PLOD3: variants seen among roughly 807,000 people sequenced by gnomAD.
The protein encoded by PLOD3 is multifunctional procollagen lysine hydroxylase and glycosyltransferase LH3.
Under a neutral mutation model 96.9 loss-of-function variants are expected in PLOD3, and 73 were observed. The observed-to-expected ratio is 0.75, with a 90% CI of 0.62 to 0.92. The LOEUF is 0.92. Among genes scored for constraint, PLOD3 ranks in the 40% least tolerant of loss-of-function variants. The pLI, the probability that PLOD3 is intolerant of heterozygous loss-of-function variation, is 0.00. For missense variants in PLOD3, 1,004 were observed against 1,004.3 expected (o/e 1.00, Z 0.00); for synonymous variants, 454 against 413.7 (o/e 1.10, Z -1.18).
chr7:101,213,503 C>CTT, intron 6 of PLOD3: 3 of 393,808 alleles, frequency 7.6e-6, no homozygotes, highest in African/African-American at 6.4e-5. Context: ...TCTCTCTCTC[C>CTT]TTGTTTTTTT....
At chr7:101,215,042 G>A (rs1439932600) in intron 6 of PLOD3, 47 bp downstream of exon 6, 2 of 1,393,388 alleles carry the variant, frequency 1.4e-6, no homozygotes, top group African/African-American at 2.8e-5. Context: ...AAGACCCCTA[G>A]CTGCAGAGGC....
At chr7:101,206,746 G>A (rs376378473) in intron 18 of PLOD3, 33 bp downstream of exon 18, 8 of 1,570,146 alleles carry the variant, frequency 5.1e-6, no homozygotes, top group Admixed American at 1.9e-5. Context: ...GTCCTGAGGT[G>A]AAGCGTGGGT....
At position 101,217,286 on chromosome 7, in the gene PLOD3, G is replaced by C. The variant is rs1798294824; in HGVS notation, c.-12C>G. 6.9e-7 allele frequency: 1 copy of C among 1,454,724 alleles called. No individual in the cohort carries two copies. The highest frequency in any genetic ancestry group is 2.7e-5 in the East Asian group (1 of 36,736). 90.1% of individuals were successfully genotyped at this position (1,454,724 alleles called of 1,614,324 possible). On this transcript the variant is annotated 5_prime_UTR_variant, in exon 1 of 19. Coordinates refer to ENST00000223127, the MANE Select transcript of PLOD3 (RefSeq NM_001084.5). ...CCCGAGGAGGTCATGGTGGGGAGCG[G>C]GCCCAGACAGCACCCAGGATCCTGG...
chr7:101,210,588 A>C lies in PLOD3; in HGVS notation c.1444T>G (p.Phe482Val), dbSNP rs993367504. ...LRMELPQRDV[F>V]SGSDTDPDMA... ...TCCGGGTCTGTGTCACTGCCCGAGAACACATCCCTCTGGGGCAGCTCCATC... is the reference window on the plus strand; with the variant it reads ...TCCGGGTCTGTGTCACTGCCCGAGACCACATCCCTCTGGGGCAGCTCCATC... Residue 482 changes from phenylalanine to valine, a missense_variant, in exon 13 of 19, where the codon TTC becomes GTC. Transcript: ENST00000223127. 2.5e-6 allele frequency: 4 copies of C among 1,614,060 alleles called. No individual in the cohort carries two copies. In the African/African-American group the frequency reaches 5.3e-5, roughly 22 times the overall value.
chr7:101,212,141 C>A lies in PLOD3; in HGVS notation c.1127+112G>T. On this transcript the variant is annotated intron_variant, in intron 10 of 18. Coordinates refer to ENST00000223127, the MANE Select transcript of PLOD3 (RefSeq NM_001084.5). ...GGCTGCAAGGATGCGAATGGGGAGGCCCAGGAGGGGCTGGATGGGTGACAG... is the reference window on the plus strand; with the variant it reads ...GGCTGCAAGGATGCGAATGGGGAGGACCAGGAGGGGCTGGATGGGTGACAG... The A allele has an allele frequency of 2.1e-6, 3 of 1,411,950 alleles. No individual in the cohort carries two copies. The South Asian group carries it at 3.5e-5, about 16-fold the overall frequency. 87.5% of individuals were successfully genotyped at this position (1,411,950 alleles called of 1,614,324 possible).
chr7:101,211,691 G>A lies in PLOD3; in HGVS notation c.1258C>T (p.Arg420Cys), dbSNP rs367797717. ...AAGTTGGACCACAGCTTGCCGTGGC[G>A]GGACAGCATGGGGGCGATCACCTTC... ...NRKVIAPMLS[R>C]HGKLWSNFWG... The change falls in exon 12 of 19, where the codon CGC (arginine) becomes TGC (cysteine). Residue 420 changes from arginine (R) to cysteine (C), a missense_variant. Physicochemically the swap from Arg to Cys is radical, Grantham distance 180. Transcript: ENST00000223127. 2.4e-5 allele frequency: 39 copies of A among 1,606,418 alleles called. 1 individual carries two copies. The highest frequency in any genetic ancestry group is 3.0e-5 in the Non-Finnish European group (35 of 1,177,190).
intron 18 of PLOD3, 40 bp from the exon 19 acceptor site, chr7:101,206,476 G>T (rs752237515): frequency 6.4e-7 from 1 of 1,552,860 alleles, no homozygotes; most frequent in Non-Finnish European, 8.7e-7. Flanking sequence ...GTGAGCAGAC[G>T]TGGGGCCTGG....
Position 101,207,714 on chromosome 7 carries a change from A to G in PLOD3, c.1799T>C (p.Leu600Pro), listed in dbSNP as rs1798111686. 1.2e-6 allele frequency: 2 copies of G among 1,613,776 alleles called. No homozygotes were observed. The highest frequency in any genetic ancestry group is 8.5e-7 in the Non-Finnish European group (1 of 1,179,906). Residue 600 changes from leucine to proline, a missense_variant, in exon 17 of 19, where the codon CTG (leucine) becomes CCG (proline). By Grantham distance (98) the Leu-to-Pro change is moderately conservative. Transcript: ENST00000223127. Reference protein sequence around the residue: ...WSGGRHEDSRLAGGYENVPTV... With the variant: ...WSGGRHEDSRPAGGYENVPTV... ...GGGCACATTCTCGTAGCCTCCAGCC[A>G]GCCTTGAATCCTGGGGGCGGCGGGC...
At position 101,216,692 on chromosome 7, in the gene PLOD3, C is replaced by T. The variant is rs1798281955; in HGVS notation, c.201+3G>A. 1 of 1,613,232 alleles carries T rather than the reference C, an allele frequency of 6.2e-7. No individual in the cohort carries two copies. The highest frequency in any genetic ancestry group is 1.7e-5 in the Admixed American group (1 of 59,982). On this transcript the variant is annotated splice_donor_region_variant and intron_variant, in intron 2 of 18. Transcript: ENST00000223127. Reference sequence around the variant, plus strand: ...CCTCCCAGGGGCCTTTCCCTCTCCTCACCCGCACAGTGTAGTTGAAGAACT... The same window carrying T: ...CCTCCCAGGGGCCTTTCCCTCTCCTTACCCGCACAGTGTAGTTGAAGAACT...
chr7:101,215,989 TTGGTGGA>T lies in PLOD3; in HGVS notation c.527_533del (p.Ile176LysfsTer27), dbSNP rs765101471. ...CCTTGTACTTCCACTGGCGCACGAT[TTGGTGGA>T]TGGTGGTGGCAAAACCGATGAATCC... On this transcript the variant is annotated frameshift_variant, in exon 5 of 19. Coordinates refer to ENST00000223127, the MANE Select transcript of PLOD3 (RefSeq NM_001084.5). LOFTEE classifies it high-confidence loss of function. The T allele has an allele frequency of 6.2e-7, 1 of 1,614,056 alleles. No homozygotes were observed. Among genetic ancestry groups the T allele is most frequent in the Non-Finnish European group, 8.5e-7 (1 of 1,179,972 alleles).
intron 5 of PLOD3, among the ~76,000 whole-genome samples, chr7:101,215,488 T>C (rs977838717): frequency 1.3e-5 from 2 of 152,068 alleles, no homozygotes; most frequent in African/African-American, 2.4e-5. Context: ...GCTGGGATTA[T>C]AGGCATGAGC....
Position 101,210,551 on chromosome 7 carries a change from CAGA to C in PLOD3, c.1478_1480del (p.Phe493del). The C allele has an allele frequency of 5.0e-6, 8 of 1,614,240 alleles. No homozygotes were observed. In the South Asian group the frequency reaches 8.8e-5, roughly 18 times the overall value. ...GCTCACCTTGTCTCGAAAGCTCTTA[CAGA>C]AGGCCATGTCCGGGTCTGTGTCACT... On this transcript the variant is annotated inframe_deletion, in exon 13 of 19. Transcript: ENST00000223127.
chr7:101,206,497 G>C (rs1798086307), intron 18 of PLOD3, 61 bp from the exon 19 acceptor site: 3 of 1,488,102 alleles, frequency 2.0e-6, no homozygotes, highest in African/African-American at 1.4e-5. Context: ...GGAGCAGGCA[G>C]ATACACGGGG....
intron 12 of PLOD3, chr7:101,211,126 CT>C (rs1372566487): frequency 4.6e-6 from 1 of 216,120 alleles, no homozygotes; most frequent in African/African-American, 2.3e-5. Context: ...AGTAATCCAC[CT>C]GCCTCTGCCT....
At chr7:101,212,776 G>T in intron 8 of PLOD3, 66 bp downstream of exon 8, 1 of 1,556,814 alleles carries the variant, frequency 6.4e-7, no homozygotes, top group Non-Finnish European at 8.8e-7. Context: ...CCCCCAGTCC[G>T]CTGTCCTTGT....
At chr7:101,208,708 T>C in intron 16 of PLOD3, 145 bp downstream of exon 16, 3 of 678,268 alleles carry the variant, frequency 4.4e-6, no homozygotes, top group Non-Finnish European at 8.2e-6. Flanking sequence ...CTTGAATACA[T>C]GAATGAATGC....
chr7:101,212,019 GC>G, intron 10 of PLOD3, 69 bp from the exon 11 acceptor site: 4 of 1,131,270 alleles, frequency 3.5e-6, no homozygotes, highest in Non-Finnish European at 2.6e-6. Flanking sequence ...ACTGGCCCAT[GC>G]CCCCAGGAGA....
At position 101,211,603 on chromosome 7, in the gene PLOD3, T is replaced by A; in HGVS notation, c.1346A>T (p.Gln449Leu). Residue 449 changes from glutamine (Q) to leucine (L), a missense_variant, in exon 12 of 19, where the codon CAG becomes CTG. This residue lies in a region of PLOD3 where 690 missense variants were observed against 650.2 expected (regional missense o/e 1.06). Coordinates refer to ENST00000223127, the MANE Select transcript of PLOD3 (RefSeq NM_001084.5). Reference sequence around the variant, plus strand: ...TGGCGGGACTCACACTCGCTTCCGCTGCACCAGCTCCACGTAGTCCTCGGA... The same window carrying A: ...TGGCGGGACTCACACTCGCTTCCGCAGCACCAGCTCCACGTAGTCCTCGGA... ...ARSEDYVELV[Q>L]RKRVGVWNVP... 1 of 1,601,952 alleles carries A rather than the reference T, an allele frequency of 6.2e-7. No individual in the cohort carries two copies. Among genetic ancestry groups the A allele is most frequent in the Non-Finnish European group, 8.5e-7 (1 of 1,175,184 alleles).
Position 101,216,500 on chromosome 7 carries a change from G to A in PLOD3, c.248C>T (p.Thr83Ile), listed in dbSNP as rs1798277238. The change falls in exon 3 of 19, where the codon ACA (threonine) becomes ATA (isoleucine). Residue 83 changes from threonine to isoleucine, a missense_variant. Transcript: ENST00000223127. ...CCGGACCTTCTGTCCTCCACCAACTGTTCGAGCCACATCACCCCCTCGCCA... is the reference window on the plus strand; with the variant it reads ...CCGGACCTTCTGTCCTCCACCAACTATTCGAGCCACATCACCCCCTCGCCA... ...EEWRGGDVAR[T>I]VGGGQKVRWL... The A allele has an allele frequency of 6.2e-7, 1 of 1,613,904 alleles. No homozygotes were observed. Among genetic ancestry groups the A allele is most frequent in the Non-Finnish European group, 8.5e-7 (1 of 1,179,954 alleles).
Sources: allele counts gnomAD v4.1 joint callset (sites outside exome capture counted in the v4.1 genomes callset), GRCh38; gene constraint gnomAD v4.1.1; regional missense constraint gnomAD v4.1.1; transcripts MANE v1.5; gene names NCBI Gene and HGNC (gene_info 2026-07-23, HGNC 2026-07-21).